The following VPS41 variants were observed in gnomAD, a reference collection of about 807,000 sequenced individuals.
The protein encoded by VPS41 is VPS41 subunit of HOPS complex, also known as vacuolar protein sorting-associated protein 41 homolog.
In VPS41, 85 loss-of-function variants were observed where a neutral mutation model predicts 130.9. The ratio of observed to expected loss-of-function variants is 0.65; its 90% CI spans 0.55 to 0.78. VPS41 has a LOEUF of 0.78. VPS41 is among the 30% of genes least tolerant of loss of function. The pLI is 0.00. For missense variants in VPS41, 874 were observed against 1,018.7 expected (o/e 0.86, Z 1.93); for synonymous variants, 335 against 332.9 (o/e 1.01, Z -0.07).
rs1410416284 is a variant in VPS41 at position 38,724,224 on chromosome 7, A to G, written c.*2022T>C. Reference sequence around the variant, plus strand: ...TTTACCCCTGAAGCAAAATGACTTCACTGAAATTAGCAAATCCTATTGATG... The same window carrying G: ...TTTACCCCTGAAGCAAAATGACTTCGCTGAAATTAGCAAATCCTATTGATG... On this transcript the variant is annotated 3_prime_UTR_variant, in exon 29 of 29. Coordinates refer to ENST00000310301, the MANE Select transcript of VPS41 (RefSeq NM_014396.4). 6.6e-6 allele frequency: 1 copy of G among 152,246 alleles called. No individual in the cohort carries two copies. Among genetic ancestry groups the G allele is most frequent in the African/African-American group, 2.4e-5 (1 of 41,472 alleles). The allele number at this position is 152,246 out of a possible 1,614,324, so 9.4% of individuals were successfully genotyped here.
intron 5 of VPS41, among the ~76,000 whole-genome samples, chr7:38,824,400 G>C (rs574329127): frequency 1.3e-5 from 2 of 152,192 alleles, no homozygotes; most frequent in African/African-American, 2.4e-5. Flanking sequence ...ATGTTTTGCT[G>C]TTCCTCATTT....
chr7:38,904,412 T>C (rs1787210751), intron 1 of VPS41, among the ~76,000 whole-genome samples: 1 of 152,144 alleles, frequency 6.6e-6, no homozygotes, highest in Non-Finnish European at 1.5e-5. Flanking sequence ...CTAAAATCTG[T>C]CTGATTCTAT....
At chr7:38,889,160 G>C (rs913800808) in intron 2 of VPS41, among the ~76,000 whole-genome samples, 1 of 150,418 alleles carries the variant, frequency 6.6e-6, no homozygotes, top group African/African-American at 2.5e-5. Flanking sequence ...TAATAAAAGG[G>C]CCAACATTCA....
At chr7:38,787,144 A>C (rs2115929418) in intron 10 of VPS41, among the ~76,000 whole-genome samples, 1 of 152,238 alleles carries the variant, frequency 6.6e-6, no homozygotes, top group South Asian at 2.1e-4. Context: ...TAGTTGTTTA[A>C]TCTCAATTAA....
intron 25 of VPS41, among the ~76,000 whole-genome samples, chr7:38,738,139 C>G (rs1252607377): frequency 6.6e-6 from 1 of 152,172 alleles, no homozygotes; most frequent in Non-Finnish European, 1.5e-5. Context: ...CATGACACCT[C>G]TTTAGAAGCA....
intron 5 of VPS41, among the ~76,000 whole-genome samples, chr7:38,827,975 G>A (rs1409757225): frequency 6.6e-6 from 1 of 151,798 alleles, no homozygotes; most frequent in Non-Finnish European, 1.5e-5. Context: ...ATTATTATTA[G>A]TCCAAGTTCC....
intron 25 of VPS41, among the ~76,000 whole-genome samples, chr7:38,731,616 T>C (rs1795664105): frequency 6.6e-6 from 1 of 152,020 alleles, no homozygotes; most frequent in African/African-American, 2.4e-5. Context: ...ACCTTCCCCA[T>C]CTCCCTTCTA....
chr7:38,870,763 A>AAAAAAAAAAAAAAAAAG, intron 2 of VPS41, among the ~76,000 whole-genome samples: 1 of 130,150 alleles, frequency 7.7e-6, no homozygotes, highest in African/African-American at 3.3e-5. Flanking sequence ...AAAAAAAAAA[A>AAAAAAAAAAAAAAAAAG]ACAGAAAAAG....
chr7:38,787,984 A>G (rs1254767922), intron 10 of VPS41, among the ~76,000 whole-genome samples: 1 of 152,186 alleles, frequency 6.6e-6, no homozygotes, highest in Non-Finnish European at 1.5e-5. Context: ...CAATAATGTG[A>G]TCCCAGGGTT....
intron 4 of VPS41, among the ~76,000 whole-genome samples, chr7:38,853,813 T>C (rs1785919375): frequency 6.6e-6 from 1 of 152,260 alleles, no homozygotes; most frequent in African/African-American, 2.4e-5. Flanking sequence ...AGGAATATTT[T>C]CAGTTTTAGC....
At chr7:38,816,364 T>C (rs780302580) in intron 7 of VPS41, among the ~76,000 whole-genome samples, 4 of 152,182 alleles carry the variant, frequency 2.6e-5, no homozygotes, top group Non-Finnish European at 4.4e-5. Context: ...CAACGAGTCA[T>C]GTAATGACCA....
intron 25 of VPS41, among the ~76,000 whole-genome samples, chr7:38,738,947 G>A (rs1795827173): frequency 6.6e-6 from 1 of 152,194 alleles, no homozygotes; most frequent in Admixed American, 6.5e-5. Context: ...GAAGAGAGCT[G>A]TTACATTTTA....
Position 38,752,206 on chromosome 7 carries a change from G to A in VPS41, c.1896C>T (p.Leu632=). ...EYDRPNLLPF[L]RDSTHCPLEK... ...CAAGTGGGCAATGGGTACTGTCTCG[G>A]AGAAAGGGAAGTAAGTTTGGTCGAT... Residue 632 remains leucine, a synonymous_variant, in exon 22 of 29, where the codon CTC becomes CTT. Transcript: ENST00000310301. 6.2e-7 allele frequency: 1 copy of A among 1,613,980 alleles called. No homozygotes were observed. The highest frequency in any genetic ancestry group is 1.3e-5 in the African/African-American group (1 of 75,026).
chr7:38,780,913 T>C (rs563668555), intron 10 of VPS41, among the ~76,000 whole-genome samples: 11 of 152,160 alleles, frequency 7.2e-5, no homozygotes, highest in Non-Finnish European at 1.6e-4. Flanking sequence ...TTTAGAAGTG[T>C]GTGGCATCTA....
intron 13 of VPS41, 84 bp downstream of exon 13, chr7:38,772,438 A>G: frequency 1.0e-6 from 1 of 967,268 alleles, no homozygotes; most frequent in Non-Finnish European, 1.5e-6. Context: ...TGACTACATA[A>G]AAGATTTATT....
chr7:38,903,777 G>A (rs1787194418), intron 1 of VPS41, among the ~76,000 whole-genome samples: 1 of 152,146 alleles, frequency 6.6e-6, no homozygotes, highest in South Asian at 2.1e-4. Context: ...CAAAGGAGTT[G>A]TGGCCAGCTT....
intron 25 of VPS41, among the ~76,000 whole-genome samples, chr7:38,738,848 A>G (rs1346146921): frequency 6.6e-6 from 1 of 152,228 alleles, no homozygotes; most frequent in Non-Finnish European, 1.5e-5. Context: ...AAAGAAATTA[A>G]ACACTGCTGA....
intron 11 of VPS41, among the ~76,000 whole-genome samples, chr7:38,775,830 A>C (rs1432667651): frequency 6.6e-6 from 1 of 152,092 alleles, no homozygotes; most frequent in Non-Finnish European, 1.5e-5. Context: ...GCCATTTAAA[A>C]AAAAAAAAAG....
intron 4 of VPS41, among the ~76,000 whole-genome samples, chr7:38,852,886 T>C (rs1785889764): frequency 6.6e-6 from 1 of 152,192 alleles, no homozygotes; most frequent in South Asian, 2.1e-4. Flanking sequence ...TTTAGTTCCC[T>C]AAATACTCTG....
Sources: gnomAD v4.1 joint callset for allele counts (sites outside exome capture counted in the v4.1 genomes callset) on GRCh38, gnomAD v4.1.1 for gene constraint, MANE v1.5 for transcripts, NCBI Gene and HGNC (gene_info 2026-07-23, HGNC 2026-07-21) for gene names.